Variants in SAMMSON observed in about 807,000 individuals in gnomAD.
The protein encoded by SAMMSON is survival associated mitochondrial melanoma specific oncogenic non-coding RNA.
intron 7 of SAMMSON, chr3:70,291,261 G>C (rs918131001): frequency 1.3e-5 from 2 of 151,978 alleles, no homozygotes; most frequent in African/African-American, 4.8e-5. Flanking sequence ...ACATTATCTA[G>C]GACTCTATTT....
At chr3:70,358,323 T>C (rs766143809) in exon 9 of SAMMSON, 8 of 152,178 alleles carry the variant, frequency 5.3e-5, no homozygotes, top group Non-Finnish European at 8.8e-5. Context: ...GACTTCATAT[T>C]GGTAAGTTGA....
chr3:70,121,836 A>C (rs1296484609), intron 4 of SAMMSON, among the ~76,000 whole-genome samples: 1 of 152,132 alleles, frequency 6.6e-6, no homozygotes, highest in Non-Finnish European at 1.5e-5. Context: ...ACGTAGCTTA[A>C]CTACTTTAAG....
At position 70,362,804 on chromosome 3, in the gene SAMMSON, C is replaced by CT. The variant is rs11360944; in HGVS notation, n.913+4497dup. ...ATTTTGGTAACCCAGGAAAGATCTG[C>CT]TTTTTTTTTTTTTTTTTCTCCAGTG... is the stretch of plus-strand genomic sequence containing the variant. On this transcript the variant is annotated intron_variant and non_coding_transcript_variant, in intron 9 of 9. Coordinates refer to ENST00000642114, the Ensembl canonical transcript of SAMMSON. Among the ~76,000 whole-genome samples, 939 of 133,990 alleles carry CT rather than the reference C, an allele frequency of 7.0e-3. 5 individuals carry two copies. The highest frequency in any genetic ancestry group is 0.015 in the African/African-American group (561 of 36,420). 87.9% of individuals were successfully genotyped at this position (133,990 alleles called of 152,430 possible).
At chr3:70,369,452 A>G (rs1043768182) in intron 9 of SAMMSON, among the ~76,000 whole-genome samples, 11 of 151,710 alleles carry the variant, frequency 7.3e-5, no homozygotes, top group African/African-American at 1.2e-4. Context: ...ATTTTCTGTA[A>G]GACAATTATG....
intron 6 of SAMMSON, among the ~76,000 whole-genome samples, chr3:70,283,409 T>A (rs1276126848): frequency 6.6e-6 from 1 of 152,100 alleles, no homozygotes; most frequent in Non-Finnish European, 1.5e-5. Context: ...TGACGAATAC[T>A]GAAATTCTCC....
At chr3:70,234,396 C>T (rs1701588879) in intron 4 of SAMMSON, among the ~76,000 whole-genome samples, 1 of 152,114 alleles carries the variant, frequency 6.6e-6, no homozygotes, top group Non-Finnish European at 1.5e-5. Context: ...TGCCTGTAAT[C>T]CTAGCACTTT....
chr3:70,077,990 C>A (rs900230246), intron 4 of SAMMSON, among the ~76,000 whole-genome samples: 2 of 152,156 alleles, frequency 1.3e-5, no homozygotes, highest in African/African-American at 4.8e-5. Flanking sequence ...TCCTTGACCC[C>A]GTTTATCCCT....
At chr3:70,413,500 A>G (rs566487824) in intron 2 of SAMMSON, among the ~76,000 whole-genome samples, 60 of 152,156 alleles carry the variant, frequency 3.9e-4, no homozygotes, top group Non-Finnish European at 6.8e-4. Context: ...AATTAATTGT[A>G]GAAGCAGAAA....
intron 3 of SAMMSON, among the ~76,000 whole-genome samples, chr3:70,063,509 G>A (rs1452744947): frequency 6.6e-6 from 1 of 152,008 alleles, no homozygotes; most frequent in Non-Finnish European, 1.5e-5. Flanking sequence ...CTTCTTTTAG[G>A]TAGGATCCGT....
chr3:70,186,341 C>T (rs1701092012), intron 4 of SAMMSON, among the ~76,000 whole-genome samples: 1 of 151,692 alleles, frequency 6.6e-6, no homozygotes, highest in South Asian at 2.1e-4. Context: ...TCACTGCAGC[C>T]TTGATGTCCT....
chr3:70,299,323 T>C (rs1041705141), intron 7 of SAMMSON, among the ~76,000 whole-genome samples: 8 of 95,806 alleles, frequency 8.4e-5, no homozygotes, highest in African/African-American at 3.5e-4. Flanking sequence ...ATTTGTGCGT[T>C]ATTTGTATAC....
At chr3:70,232,571 T>C (rs1214643860) in intron 4 of SAMMSON, among the ~76,000 whole-genome samples, 1 of 152,010 alleles carries the variant, frequency 6.6e-6, no homozygotes, top group Non-Finnish European at 1.5e-5. Context: ...GGCTATTTTT[T>C]GTATTTTTGA....
intron 4 of SAMMSON, among the ~76,000 whole-genome samples, chr3:70,188,822 A>T (rs188161917): frequency 6.6e-6 from 1 of 152,350 alleles, no homozygotes; most frequent in African/African-American, 2.4e-5. Context: ...TACTAACTCA[A>T]TGCATTTGAC....
chr3:70,239,520 C>G (rs1267804782), intron 4 of SAMMSON, among the ~76,000 whole-genome samples: 1 of 129,848 alleles, frequency 7.7e-6, no homozygotes, highest in Admixed American at 7.7e-5. Flanking sequence ...AAGCCAATCA[C>G]TTTCTAGGGA....
At chr3:70,138,751 A>T (rs1329137968) in intron 4 of SAMMSON, among the ~76,000 whole-genome samples, 1 of 152,216 alleles carries the variant, frequency 6.6e-6, no homozygotes, top group African/African-American at 2.4e-5. Flanking sequence ...ATTAGGTATG[A>T]GTGAGACTCA....
chr3:70,082,572 G>T (rs981327753), intron 4 of SAMMSON, among the ~76,000 whole-genome samples: 3 of 152,112 alleles, frequency 2.0e-5, no homozygotes, highest in Admixed American at 2.0e-4. Context: ...TCCTTTTCTT[G>T]CTTTCACATG....
At chr3:70,312,495 C>G (rs1337473276) in intron 7 of SAMMSON, 1 of 152,250 alleles carries the variant, frequency 6.6e-6, no homozygotes, top group Non-Finnish European at 1.5e-5. Context: ...GTGCACTTGA[C>G]TTTCATGGCT....
At chr3:70,057,468 C>T (rs1382738358) in intron 3 of SAMMSON, among the ~76,000 whole-genome samples, 2 of 152,032 alleles carry the variant, frequency 1.3e-5, no homozygotes, top group East Asian at 3.9e-4. Flanking sequence ...ATTGTCTTTG[C>T]CTTGTTTGAG....
rs149728789 is a variant in SAMMSON, at chr3:70,160,039, A to G, written n.507+88474A>G. On this transcript the variant is annotated intron_variant and non_coding_transcript_variant, in intron 4 of 9. Transcript: ENST00000642114. ...TAAGATTTCTTTGTAATTTCTGGAT[A>G]TAAATTCTTTGTTAGACACATATTT... is the stretch of plus-strand genomic sequence containing the variant. Among the ~76,000 whole-genome samples the G allele has an allele frequency of 6.9e-3, 1,049 of 152,196 alleles. 5 individuals carry two copies. The highest frequency in any genetic ancestry group is 0.014 in the Middle Eastern group (4 of 294).
Sources: gnomAD v4.1 joint callset for allele counts (sites outside exome capture counted in the v4.1 genomes callset) on GRCh38, gnomAD v4.1.1 for gene constraint, MANE v1.5 for transcripts, NCBI Gene and HGNC (gene_info 2026-07-23, HGNC 2026-07-21) for gene names.